The following STOX2 variants were observed in gnomAD, a reference collection of about 807,000 sequenced individuals.
The protein encoded by STOX2 is storkhead box 2, also known as storkhead-box protein 2.
STOX2 carries 28 observed loss-of-function variants against 60.9 expected under a neutral mutation model. The observed-to-expected ratio is 0.46, with a 90% CI of 0.34 to 0.63. The LOEUF (loss-of-function observed/expected upper bound fraction) is 0.63. Ranked by LOEUF, STOX2 falls within the 30% of genes least tolerant of loss-of-function variation. The pLI, the probability that STOX2 is intolerant of heterozygous loss-of-function variation, is 0.01. For missense variants in STOX2, 1,024 were observed against 1,187.7 expected (o/e 0.86, Z 2.03); for synonymous variants, 472 against 463.9 (o/e 1.02, Z -0.22).
chr4:183,833,684 A>G (rs768105321), intron 1 of STOX2, among the ~76,000 whole-genome samples: 1 of 151,128 alleles, frequency 6.6e-6, no homozygotes, highest in Non-Finnish European at 1.5e-5. Flanking sequence ...CAAAGCAGGT[A>G]GAAAGAATGT....
intron 1 of STOX2, among the ~76,000 whole-genome samples, chr4:183,898,705 T>C (rs1398245961): frequency 6.6e-6 from 1 of 151,528 alleles, no homozygotes; most frequent in East Asian, 1.9e-4. Context: ...CTGTAGAGAG[T>C]GACAATGAAA....
Position 183,894,492 on chromosome 4 carries a change from G to A in STOX2, c.364+96437G>A, listed in dbSNP as rs868848293. Among the ~76,000 whole-genome samples the A allele has an allele frequency of 3.9e-4, 59 of 151,350 alleles. 1 individual carries two copies. Among genetic ancestry groups the A allele is most frequent in the Non-Finnish European group, 1.6e-4 (11 of 67,908 alleles). ...TTAAATGATATCACATAAAAGTCCTGTAATTTGCTGGAGTTAAAAAGTTAT... is the reference window on the plus strand; with the variant it reads ...TTAAATGATATCACATAAAAGTCCTATAATTTGCTGGAGTTAAAAAGTTAT... On this transcript the variant is annotated intron_variant, in intron 1 of 2. Coordinates refer to the STOX2 transcript ENST00000513034.
At chr4:183,823,369 C>G (rs1024492025) in intron 1 of STOX2, among the ~76,000 whole-genome samples, 1 of 152,252 alleles carries the variant, frequency 6.6e-6, no homozygotes, top group Middle Eastern at 3.4e-3. Flanking sequence ...GCACTCCAGC[C>G]TGGGCAAAAA....
intron 1 of STOX2, among the ~76,000 whole-genome samples, chr4:183,948,540 C>CTTTTTTTTTTTTTTTTTTTTTTTTTTTT (rs10687778): frequency 2.6e-5 from 2 of 78,182 alleles, no homozygotes; most frequent in Non-Finnish European, 4.6e-5. Flanking sequence ...ATGCCTTATC[C>CTTTTTTTTTTTTTTTTTTTTTTTTTTTT]TTTTTTTTTT....
In STOX2 at chr4:184,011,087, C is replaced by A. The variant is rs567574623; in HGVS notation, c.2249C>A (p.Ala750Glu). Residue 750 changes from alanine to glutamate, a missense_variant, in exon 3 of 4, where the codon GCG becomes GAG. This residue lies in a region of STOX2 where 922 missense variants were observed against 1,058.3 expected (regional missense o/e 0.87). Coordinates refer to ENST00000308497, the MANE Select transcript of STOX2 (RefSeq NM_020225.3). This position sits in a 1 kb window ranked among gnomAD's most constrained non-coding sequence, Gnocchi z 4.4. ...CTGGAACCGTCCCTGGGGACCTCGG[C>A]GGCACAAGCCATGCCTGCTTCCCAG... ...EKLEPSLGTS[A>E]AQAMPASQRQ... is the part of the protein sequence containing the mutation. 11 of 1,595,324 alleles carry A rather than the reference C, an allele frequency of 6.9e-6. No individual in the cohort carries two copies. The highest frequency in any genetic ancestry group is 9.4e-6 in the Non-Finnish European group (11 of 1,171,762).
intron 1 of STOX2, among the ~76,000 whole-genome samples, chr4:183,918,227 T>G (rs1446872974): frequency 6.6e-6 from 1 of 152,246 alleles, no homozygotes; most frequent in Non-Finnish European, 1.5e-5. Context: ...TTACTGATTT[T>G]GGTATGTGCT....
chr4:183,835,229 T>C (rs1579317256), intron 1 of STOX2, among the ~76,000 whole-genome samples: 2 of 146,858 alleles, frequency 1.4e-5, no homozygotes, highest in African/African-American at 5.0e-5. Context: ...ACCAATAGAT[T>C]TTTTTTTTTT....
chr4:183,974,176 A>G (rs1175293746), intron 1 of STOX2, among the ~76,000 whole-genome samples: 1 of 152,194 alleles, frequency 6.6e-6, no homozygotes, highest in Admixed American at 6.5e-5. Flanking sequence ...GTGAAAAGTT[A>G]AGTATATATA....
intron 1 of STOX2, among the ~76,000 whole-genome samples, chr4:183,945,822 T>G (rs1185324177): frequency 6.6e-6 from 1 of 152,236 alleles, no homozygotes; most frequent in Non-Finnish European, 1.5e-5. Context: ...TTTGTTTTGC[T>G]GGGATACATC....
At chr4:183,799,548 A>ATATTTT (rs1738712565) in intron 1 of STOX2, among the ~76,000 whole-genome samples, 1 of 152,244 alleles carries the variant, frequency 6.6e-6, no homozygotes, top group Non-Finnish European at 1.5e-5. Context: ...ATACAAAAGT[A>ATATTTT]GTATAACTCA....
chr4:183,923,905 T>A (rs537825009), intron 1 of STOX2, among the ~76,000 whole-genome samples: 2 of 152,290 alleles, frequency 1.3e-5, no homozygotes, highest in African/African-American at 4.8e-5. Flanking sequence ...GTAGGAACAC[T>A]CTGTAGACTG....
intron 1 of STOX2, among the ~76,000 whole-genome samples, chr4:183,973,590 A>T (rs1472957624): frequency 2.0e-5 from 3 of 152,236 alleles, no homozygotes; most frequent in African/African-American, 7.2e-5. Flanking sequence ...TCTAAAAGAA[A>T]TGCTGATAGA....
intron 1 of STOX2, among the ~76,000 whole-genome samples, chr4:183,928,670 A>G (rs1560887535): frequency 6.6e-6 from 1 of 152,108 alleles, no homozygotes; most frequent in South Asian, 2.1e-4. Context: ...AACCCGGTGT[A>G]TCTCCACGGG....
At chr4:183,850,175 G>A (rs1352113143) in intron 1 of STOX2, among the ~76,000 whole-genome samples, 3 of 151,782 alleles carry the variant, frequency 2.0e-5, no homozygotes, top group Non-Finnish European at 4.4e-5. Flanking sequence ...GTTTCACCAT[G>A]TTGGCCAGGC....
chr4:183,919,491 C>T (rs1329863634), intron 1 of STOX2, among the ~76,000 whole-genome samples: 1 of 152,166 alleles, frequency 6.6e-6, no homozygotes, highest in Non-Finnish European at 1.5e-5. Context: ...TAAGCACAGT[C>T]TGAGAGCATG....
intron 1 of STOX2, among the ~76,000 whole-genome samples, chr4:183,983,407 G>C (rs1398568990): frequency 6.6e-6 from 1 of 152,194 alleles, no homozygotes; most frequent in Admixed American, 6.5e-5. Flanking sequence ...TCAGCCACAT[G>C]CTAGGATCTC....
chr4:183,975,179 A>G (rs1391813870), intron 1 of STOX2, among the ~76,000 whole-genome samples: 2 of 152,178 alleles, frequency 1.3e-5, no homozygotes, highest in Non-Finnish European at 2.9e-5. Flanking sequence ...CATATGAAGT[A>G]GCTAAATCAG....
rs1306217543 is a variant in STOX2, at chr4:184,011,067, A to G, written c.2229A>G (p.Glu743=). 1 of 1,609,380 alleles carries G rather than the reference A, an allele frequency of 6.2e-7. No individual in the cohort carries two copies. Among genetic ancestry groups the G allele is most frequent in the South Asian group, 1.1e-5 (1 of 90,252 alleles). The change falls in exon 3 of 4, where the codon GAA becomes GAG. Residue 743 remains glutamate (E), a synonymous_variant. Coordinates refer to ENST00000308497, the MANE Select transcript of STOX2 (RefSeq NM_020225.3). This position sits in a 1 kb window ranked among gnomAD's most constrained non-coding sequence, Gnocchi z 4.4. The part of the protein sequence containing the change: ...DTLPGRCEKL[E]PSLGTSAAQA... ...TGCCAGGCCGATGTGAGAAACTGGA[A>G]CCGTCCCTGGGGACCTCGGCGGCAC...
intron 1 of STOX2, among the ~76,000 whole-genome samples, chr4:183,827,142 T>C (rs1223710500): frequency 1.3e-5 from 2 of 152,158 alleles, no homozygotes; most frequent in African/African-American, 2.4e-5. Flanking sequence ...CCACCGTATT[T>C]TTATAGCACT....
Sources: allele counts gnomAD v4.1 joint callset (sites outside exome capture counted in the v4.1 genomes callset), GRCh38; gene constraint gnomAD v4.1.1; regional missense constraint gnomAD v4.1.1; non-coding constraint Gnocchi (gnomAD v3.1); transcripts MANE v1.5; gene names NCBI Gene and HGNC (gene_info 2026-07-23, HGNC 2026-07-21).